SEMA3C: variants seen among roughly 807,000 people sequenced by gnomAD.
The protein encoded by SEMA3C is semaphorin-3C.
In SEMA3C, 47 loss-of-function variants were observed where a neutral mutation model predicts 89.4. The observed-to-expected ratio is 0.53, with a 90% CI of 0.42 to 0.67. SEMA3C has a LOEUF of 0.67. Ranked by LOEUF, SEMA3C falls within the 30% of genes least tolerant of loss-of-function variation. The pLI, the probability that SEMA3C is intolerant of heterozygous loss-of-function variation, is 0.00. For synonymous variants in SEMA3C, 310 were observed against 320.2 expected (o/e 0.97, Z 0.34); for missense variants, 839 against 929.1 (o/e 0.90, Z 1.26).
chr7:80,893,840 T>A (rs1426541489), intron 2 of SEMA3C, among the ~76,000 whole-genome samples: 3 of 152,250 alleles, frequency 2.0e-5, no homozygotes, highest in Admixed American at 2.0e-4. Context: ...CTATAAAAAC[T>A]TCAGTTAAAT....
intron 1 of SEMA3C, among the ~76,000 whole-genome samples, chr7:80,918,012 C>A (rs531034784): frequency 6.6e-6 from 1 of 152,124 alleles, no homozygotes; most frequent in African/African-American, 2.4e-5. Context: ...TGAAATTGTA[C>A]GCTTCTTTTA....
At chr7:80,905,031 T>C (rs115274926) in intron 2 of SEMA3C, among the ~76,000 whole-genome samples, 1,670 of 150,704 alleles carry the variant, frequency 0.011, 25 homozygotes, top group African/African-American at 0.038. Context: ...CTGATGAAAA[T>C]GAAAGCACAG....
rs1354839700 is a variant in SEMA3C at position 80,760,228 on chromosome 7, T to C, written c.1485+1388A>G. Among the ~76,000 whole-genome samples, 3 of 152,218 alleles carry C rather than the reference T, an allele frequency of 2.0e-5. No individual in the cohort carries two copies. In the East Asian group the frequency reaches 5.8e-4, roughly 29 times the overall value. ...CACTGTTTTAATGAGACATTTTAAA[T>C]TATCTACAATTTAAGACGTTGAAGA... On this transcript the variant is annotated intron_variant, in intron 14 of 17. Transcript: ENST00000265361.
intron 2 of SEMA3C, among the ~76,000 whole-genome samples, chr7:80,886,795 A>G (rs1269930156): frequency 6.6e-6 from 1 of 152,222 alleles, no homozygotes; most frequent in East Asian, 1.9e-4. Flanking sequence ...CCTTGTGCTA[A>G]AATGTCACCA....
chr7:80,826,104 C>T (rs1789867079), intron 4 of SEMA3C, among the ~76,000 whole-genome samples: 1 of 152,248 alleles, frequency 6.6e-6, no homozygotes, highest in Non-Finnish European at 1.5e-5. Flanking sequence ...TCTTCCATGG[C>T]CCTGCCTTGA....
intron 2 of SEMA3C, among the ~76,000 whole-genome samples, chr7:80,884,831 A>G (rs1308880737): frequency 1.3e-5 from 2 of 152,254 alleles, no homozygotes; most frequent in Non-Finnish European, 2.9e-5. Context: ...GTGATAACAA[A>G]TCAAAAACCA....
intron 1 of SEMA3C, 65 bp from the exon 2 acceptor site, chr7:80,916,884 C>T (rs1456632676): frequency 2.2e-6 from 3 of 1,362,488 alleles, no homozygotes; most frequent in Non-Finnish European, 3.0e-6. Context: ...GAAAAAACAG[C>T]AATCTAGACA....
At chr7:80,810,834 C>T (rs1266010299) in intron 5 of SEMA3C, 133 bp from the exon 6 acceptor site, 1 of 660,214 alleles carries the variant, frequency 1.5e-6, no homozygotes, top group South Asian at 1.8e-5. Context: ...TTCCAATTTA[C>T]TACATTAAGA....
Position 80,797,971 on chromosome 7 carries a change from C to T in SEMA3C, c.1131+121G>A, listed in dbSNP as rs1013708592. ...TGAGATTGCACCACTACATTCCACC[C>T]TGGGCAACAGAGTGAGACTCCGTCT... On this transcript the variant is annotated intron_variant, in intron 11 of 17. Transcript: ENST00000265361. The T allele has an allele frequency of 8.3e-6, 8 of 962,206 alleles. No homozygotes were observed. In the Admixed American group the frequency reaches 1.0e-4, roughly 13 times the overall value. 59.6% of individuals were successfully genotyped at this position (962,206 alleles called of 1,614,324 possible). A position where few individuals can be genotyped will look rare whatever the true frequency, so the allele number is the denominator to read the frequency against.
At chr7:80,821,568 T>C (rs1423849274) in intron 4 of SEMA3C, among the ~76,000 whole-genome samples, 1 of 152,160 alleles carries the variant, frequency 6.6e-6, no homozygotes, top group African/African-American at 2.4e-5. Flanking sequence ...TACAGGCATG[T>C]GCCACCACGC....
At chr7:80,897,930 G>A (rs150202028) in intron 2 of SEMA3C, among the ~76,000 whole-genome samples, 34 of 152,176 alleles carry the variant, frequency 2.2e-4, no homozygotes, top group East Asian at 1.5e-3. Flanking sequence ...AAAATATAGG[G>A]TTGTTTTCTT....
chr7:80,775,309 A>G (rs1788522287), intron 12 of SEMA3C, among the ~76,000 whole-genome samples: 2 of 152,138 alleles, frequency 1.3e-5, no homozygotes, highest in Non-Finnish European at 2.9e-5. Context: ...TGTAGGTAGA[A>G]GTTTTGGAAC....
chr7:80,827,440 A>G lies in SEMA3C; in HGVS notation c.312T>C (p.Ala104=), dbSNP rs766327268. 1.7e-5 allele frequency: 27 copies of G among 1,551,188 alleles called. No individual in the cohort carries two copies. In the Admixed American group the frequency reaches 5.2e-4, roughly 30 times the overall value. Residue 104 remains alanine (A), a synonymous_variant, in exon 4 of 18, where the codon GCT becomes GCC. Transcript: ENST00000265361. The part of the protein sequence containing the change: ...STIKVEECKM[A]GKDPTHGCGN... Reference sequence around the variant, plus strand: ...TAACACTTACTGTGGGATCTTTGCCAGCCATTTTGCATTCTTCAACTTTGA... The same window carrying G: ...TAACACTTACTGTGGGATCTTTGCCGGCCATTTTGCATTCTTCAACTTTGA...
At chr7:80,826,829 G>T (rs1430900257) in intron 4 of SEMA3C, among the ~76,000 whole-genome samples, 1 of 152,134 alleles carries the variant, frequency 6.6e-6, no homozygotes, top group Non-Finnish European at 1.5e-5. Flanking sequence ...CTTTCAGCAA[G>T]TCATTTGTAG....
At chr7:80,844,240 C>T (rs1026842098) in intron 2 of SEMA3C, among the ~76,000 whole-genome samples, 5 of 152,110 alleles carry the variant, frequency 3.3e-5, no homozygotes, top group African/African-American at 9.7e-5. Context: ...ACGTATTGGA[C>T]AGTGCCAGTG....
chr7:80,919,109 G>C (rs1792350018), upstream of SEMA3C: 1 of 984,912 alleles, frequency 1.0e-6, no homozygotes. Flanking sequence ...TTACAGCGCC[G>C]CGGCGCGCGG....
At chr7:80,750,959 A>C (rs766673248) in intron 16 of SEMA3C, among the ~76,000 whole-genome samples, 15 of 152,150 alleles carry the variant, frequency 9.9e-5, no homozygotes, top group Non-Finnish European at 2.9e-5. Context: ...GTAAATCTTA[A>C]AATGGAAAAT....
At chr7:80,918,493 CT>C (rs1192382852) in intron 1 of SEMA3C, 1 of 152,176 alleles carries the variant, frequency 6.6e-6, no homozygotes, top group East Asian at 1.9e-4. Flanking sequence ...AACTTCTTCC[CT>C]TTAACTCAGA....
intron 12 of SEMA3C, among the ~76,000 whole-genome samples, chr7:80,783,664 C>T (rs1788739306): frequency 1.3e-5 from 2 of 152,126 alleles, no homozygotes; most frequent in Non-Finnish European, 2.9e-5. Flanking sequence ...ATCAAAATTC[C>T]TGGCTCTGCA....
Sources: gnomAD v4.1 joint callset for allele counts (sites outside exome capture counted in the v4.1 genomes callset) on GRCh38, gnomAD v4.1.1 for gene constraint, MANE v1.5 for transcripts, NCBI Gene and HGNC (gene_info 2026-07-23, HGNC 2026-07-21) for gene names.